Variants in BCAR3 observed in about 807,000 individuals in gnomAD.
BCAR3 encodes BCAR3 adaptor protein, NSP family member, also known as breast cancer anti-estrogen resistance protein 3.
A neutral mutation model predicts 80.1 loss-of-function variants in BCAR3; 37 were observed. The ratio of observed to expected loss-of-function variants is 0.46; its 90% CI spans 0.36 to 0.61. The LOEUF (loss-of-function observed/expected upper bound fraction) is 0.61, where lower values mean the gene tolerates loss of function less well. Among genes scored for constraint, BCAR3 ranks in the 20% least tolerant of loss-of-function variants. The pLI is 0.00. For synonymous variants in BCAR3, 389 were observed against 418.9 expected (o/e 0.93, Z 0.87); for missense variants, 978 against 1,068.2 (o/e 0.92, Z 1.18).
intron 2 of BCAR3, among the ~76,000 whole-genome samples, chr1:93,785,187 T>C (rs1652897546): frequency 6.6e-6 from 1 of 152,220 alleles, no homozygotes; most frequent in Non-Finnish European, 1.5e-5. Context: ...CCCCAAAATG[T>C]AGCTTTCTAT....
chr1:93,739,201 A>T (rs116823102), intron 2 of BCAR3, among the ~76,000 whole-genome samples: 2,116 of 152,282 alleles, frequency 0.014, 38 homozygotes, highest in African/African-American at 0.046. Flanking sequence ...GTTACATGAC[A>T]GCTGCCGCAA....
In BCAR3 at chr1:93,767,115, C is replaced by A. The variant is rs372372244; in HGVS notation, c.-62-60973G>T. Reference sequence around the variant, plus strand: ...ACTGATTTTTGAATCTGGTACGAGACTATCAAGATCCATCTTTAACACAAG... The same window carrying A: ...ACTGATTTTTGAATCTGGTACGAGAATATCAAGATCCATCTTTAACACAAG... On this transcript the variant is annotated intron_variant, in intron 2 of 13. Coordinates refer to the BCAR3 transcript ENST00000370244. Among the ~76,000 whole-genome samples, 105 of 152,248 alleles carry A rather than the reference C, an allele frequency of 6.9e-4. 5 individuals are homozygous for A. In the South Asian group the frequency reaches 0.022, roughly 31 times the overall value.
chr1:93,805,163 C>T (rs1037272978), intron 2 of BCAR3, among the ~76,000 whole-genome samples: 5 of 152,178 alleles, frequency 3.3e-5, no homozygotes, highest in African/African-American at 1.2e-4. Context: ...TCTTCTAGCT[C>T]AGGAATTAAA....
chr1:93,564,475 T>A (rs1481873526), intron 11 of BCAR3, among the ~76,000 whole-genome samples: 1 of 151,636 alleles, frequency 6.6e-6, no homozygotes, highest in Non-Finnish European at 1.5e-5. Context: ...ACGGGGTTTC[T>A]CCACGTTGGT....
upstream of BCAR3, among the ~76,000 whole-genome samples, chr1:93,685,359 G>A (rs1371791241): frequency 6.6e-6 from 1 of 151,964 alleles, no homozygotes; most frequent in African/African-American, 2.4e-5. Flanking sequence ...TTCTATGTGT[G>A]TGTGTGTGTG....
At chr1:93,608,447 G>A (rs376049135) in intron 3 of BCAR3, among the ~76,000 whole-genome samples, 2 of 152,202 alleles carry the variant, frequency 1.3e-5, no homozygotes, top group African/African-American at 2.4e-5. Context: ...TGGGTCCCCC[G>A]TGCACTGCTG....
intron 3 of BCAR3, among the ~76,000 whole-genome samples, chr1:93,597,001 C>T (rs1430632163): frequency 1.3e-5 from 2 of 152,186 alleles, no homozygotes; most frequent in Non-Finnish European, 2.9e-5. Context: ...CTACCTACAA[C>T]CATGATGAGA....
chr1:93,804,297 G>A (rs1355942174), intron 2 of BCAR3, among the ~76,000 whole-genome samples: 1 of 152,080 alleles, frequency 6.6e-6, no homozygotes, highest in African/African-American at 2.4e-5. Context: ...TGAAATTTTT[G>A]TTCAAATTTT....
chr1:93,740,538 T>C (rs1433377709), intron 2 of BCAR3, among the ~76,000 whole-genome samples: 1 of 152,198 alleles, frequency 6.6e-6, no homozygotes, highest in Non-Finnish European at 1.5e-5. Context: ...CTAACAGGAA[T>C]GGGTCCTTGA....
At chr1:93,790,757 C>T (rs1294955569) in intron 2 of BCAR3, among the ~76,000 whole-genome samples, 17 of 114,774 alleles carry the variant, frequency 1.5e-4, no homozygotes, top group African/African-American at 2.4e-4. Flanking sequence ...CACCCACTAA[C>T]GTGTCATCTA....
In BCAR3 at chr1:93,786,192, C is replaced by CAAAAAAAAAAAAAAAA. The variant is rs61644309; in HGVS notation, c.-63+59359_-63+59374dup. ...TGGGCGTCAGAGCGAGACTCCGTCT[C>CAAAAAAAAAAAAAAAA]AAAAAAAAAAAAAAAAAAAAAAAAA... On this transcript the variant is annotated intron_variant, in intron 2 of 13. Transcript: ENST00000370244. Among the ~76,000 whole-genome samples the CAAAAAAAAAAAAAAAA allele has an allele frequency of 8.6e-4, 20 of 23,248 alleles. 4 individuals carry two copies. The highest frequency in any genetic ancestry group is 1.0e-3 in the Non-Finnish European group (14 of 14,020). The allele number at this position is 23,248 out of a possible 152,430, so 15.3% of individuals were successfully genotyped here.
At chr1:93,601,726 C>G (rs776597987) in intron 3 of BCAR3, among the ~76,000 whole-genome samples, 1 of 152,082 alleles carries the variant, frequency 6.6e-6, no homozygotes, top group Non-Finnish European at 1.5e-5. Context: ...CATGATCAAG[C>G]CTGGCAATTA....
At chr1:93,634,556 A>C (rs1201448101) in intron 3 of BCAR3, among the ~76,000 whole-genome samples, 1 of 152,110 alleles carries the variant, frequency 6.6e-6, no homozygotes, top group African/African-American at 2.4e-5. Context: ...TTAGCTGGGC[A>C]TGGTGGCCCA....
intron 8 of BCAR3, 131 bp from the exon 9 acceptor site, chr1:93,571,972 G>C (rs1487134537): frequency 9.1e-7 from 1 of 1,100,070 alleles, no homozygotes; most frequent in Non-Finnish European, 1.3e-6. Context: ...CGGCAGCACA[G>C]TTTAGACGGC....
At chr1:93,614,172 G>T (rs2101882590) in intron 3 of BCAR3, 1 of 1,276,448 alleles carries the variant, frequency 7.8e-7, no homozygotes, top group East Asian at 3.2e-5. Flanking sequence ...AGCCTGCCAT[G>T]CACACAGTGC....
intron 2 of BCAR3, among the ~76,000 whole-genome samples, chr1:93,823,847 G>A (rs1466941652): frequency 1.5e-5 from 2 of 133,484 alleles, no homozygotes; most frequent in African/African-American, 2.5e-5. Flanking sequence ...TTACAGGCAC[G>A]TGCCACCACG....
intron 2 of BCAR3, among the ~76,000 whole-genome samples, chr1:93,737,977 G>T (rs1176363037): frequency 6.6e-6 from 1 of 152,114 alleles, no homozygotes; most frequent in Non-Finnish European, 1.5e-5. Flanking sequence ...GGATAAGCAA[G>T]CACAACCATG....
chr1:93,685,813 T>C (rs1442881659), upstream of BCAR3, among the ~76,000 whole-genome samples: 2 of 152,210 alleles, frequency 1.3e-5, no homozygotes, highest in East Asian at 1.9e-4. Context: ...CCTTCAATTT[T>C]TGTCAACTTG....
At chr1:93,704,095 C>G (rs553674810) in intron 3 of BCAR3, among the ~76,000 whole-genome samples, 45 of 152,288 alleles carry the variant, frequency 3.0e-4, no homozygotes, top group Non-Finnish European at 6.2e-4. Flanking sequence ...TAGGGCAGCA[C>G]AGGGCTAGTG....
Sources: gnomAD v4.1 joint callset for allele counts (sites outside exome capture counted in the v4.1 genomes callset) on GRCh38, gnomAD v4.1.1 for gene constraint, MANE v1.5 for transcripts, NCBI Gene and HGNC (gene_info 2026-07-23, HGNC 2026-07-21) for gene names.